The following PPP1R14C variants were observed in gnomAD, a reference collection of about 807,000 sequenced individuals.
PPP1R14C encodes the protein protein phosphatase 1 regulatory inhibitor subunit 14C, also known as protein phosphatase 1 regulatory subunit 14C.
A neutral mutation model predicts 20.4 loss-of-function variants in PPP1R14C; 16 were observed. The observed-to-expected ratio is 0.78, with a 90% CI of 0.53 to 1.19. The LOEUF (loss-of-function observed/expected upper bound fraction) is 1.19, where lower values mean the gene tolerates loss of function less well. PPP1R14C is among the 50% of genes most tolerant of loss of function. PPP1R14C has a pLI of 0.00. For synonymous variants in PPP1R14C, 91 were observed against 91.0 expected, an observed-to-expected ratio of 1.00 and a Z score of 0.00; for missense variants, 211 against 220.1, an observed-to-expected ratio of 0.96 and a Z score of 0.26.
intron 2 of PPP1R14C, among the ~76,000 whole-genome samples, chr6:150,216,269 G>T (rs1335014957): frequency 6.6e-6 from 1 of 152,216 alleles, no homozygotes; most frequent in Non-Finnish European, 1.5e-5. Flanking sequence ...GCCAAGGCGG[G>T]TGGATCACCT....
At chr6:150,173,519 GTCTGAGC>G (rs143950482) in intron 1 of PPP1R14C, among the ~76,000 whole-genome samples, 1 of 152,246 alleles carries the variant, frequency 6.6e-6, no homozygotes, top group East Asian at 1.9e-4. Context: ...CCTGAATGAA[GTCTGAGC>G]TCACTACAGC....
chr6:150,202,718 C>G (rs1044366019), intron 1 of PPP1R14C, among the ~76,000 whole-genome samples: 1 of 152,216 alleles, frequency 6.6e-6, no homozygotes, highest in South Asian at 2.1e-4. Flanking sequence ...GTATGACTCA[C>G]ACCTGGACCT....
At chr6:150,211,524 T>C (rs1253918355) in intron 1 of PPP1R14C, among the ~76,000 whole-genome samples, 1 of 152,198 alleles carries the variant, frequency 6.6e-6, no homozygotes, top group Non-Finnish European at 1.5e-5. Flanking sequence ...ATGGGCATGT[T>C]CCCTCCTTTG....
At chr6:150,222,173 C>T (rs1185114654) in intron 3 of PPP1R14C, among the ~76,000 whole-genome samples, 2 of 152,038 alleles carry the variant, frequency 1.3e-5, no homozygotes, top group Admixed American at 1.3e-4. Flanking sequence ...TAGCAGATGC[C>T]GGGTGCTGAT....
chr6:150,247,513 T>G (rs557676451), intron 3 of PPP1R14C, among the ~76,000 whole-genome samples: 1 of 152,292 alleles, frequency 6.6e-6, no homozygotes, highest in Admixed American at 6.5e-5. Flanking sequence ...GGTCATGAAA[T>G]CCTTTTAGTG....
chr6:150,158,085 TTG>T (rs1777324973), intron 1 of PPP1R14C, among the ~76,000 whole-genome samples: 1 of 152,232 alleles, frequency 6.6e-6, no homozygotes, highest in Non-Finnish European at 1.5e-5. Context: ...GTCATCATAC[TTG>T]GCTAACTTTA....
intron 3 of PPP1R14C, among the ~76,000 whole-genome samples, chr6:150,247,639 C>T (rs1011018677): frequency 6.6e-6 from 1 of 151,994 alleles, no homozygotes; most frequent in Non-Finnish European, 1.5e-5. Flanking sequence ...TTGTAGGTAC[C>T]GGATTGTAAC....
intron 2 of PPP1R14C, 72 bp downstream of exon 2, chr6:150,214,899 G>A (rs1339894339): frequency 2.8e-6 from 3 of 1,071,524 alleles, no homozygotes; most frequent in Admixed American, 2.0e-5. Context: ...TTCAGTGCTT[G>A]GCATCAACTG....
intron 1 of PPP1R14C, among the ~76,000 whole-genome samples, chr6:150,165,041 C>G (rs1044265747): frequency 6.6e-6 from 1 of 152,220 alleles, no homozygotes; most frequent in Non-Finnish European, 1.5e-5. Flanking sequence ...TGATGAACTT[C>G]CCAGCTTCCA....
intron 1 of PPP1R14C, among the ~76,000 whole-genome samples, chr6:150,153,611 T>C (rs1486006717): frequency 6.6e-6 from 1 of 152,248 alleles, no homozygotes; most frequent in African/African-American, 2.4e-5. Flanking sequence ...AGAACAAGAA[T>C]GAAAGCCTGG....
Position 150,185,578 on chromosome 6 carries a change from T to C in PPP1R14C, c.307-29166T>C, listed in dbSNP as rs915480108. Among the ~76,000 whole-genome samples, 1 of 152,122 alleles carries C rather than the reference T, an allele frequency of 6.6e-6. No homozygotes were observed. Among genetic ancestry groups the C allele is most frequent in the Non-Finnish European group, 1.5e-5 (1 of 68,014 alleles). On this transcript the variant is annotated intron_variant, in intron 1 of 3. Transcript: ENST00000361131. The surrounding 1 kb of genome is among the most constrained non-coding windows in gnomAD (Gnocchi z 4.1). ...GGCTGCTGGGTGCAGGGCTCAGGGC[T>C]CCACAGAGTGAAGGCTACCTCTGCA...
At chr6:150,144,227 C>A (rs886100858) in intron 1 of PPP1R14C, among the ~76,000 whole-genome samples, 3 of 152,162 alleles carry the variant, frequency 2.0e-5, no homozygotes, top group Non-Finnish European at 4.4e-5. Context: ...AGGGCGGGAG[C>A]CCTGCGGGGG....
intron 1 of PPP1R14C, among the ~76,000 whole-genome samples, chr6:150,145,391 A>G (rs952810351): frequency 1.3e-5 from 2 of 152,208 alleles, no homozygotes; most frequent in Non-Finnish European, 2.9e-5. Flanking sequence ...TGCTGCCTGC[A>G]TGTCATTAAC....
At chr6:150,148,176 T>C (rs1777200422) in intron 1 of PPP1R14C, among the ~76,000 whole-genome samples, 1 of 152,152 alleles carries the variant, frequency 6.6e-6, no homozygotes, top group Admixed American at 6.5e-5. Flanking sequence ...CCTAAACATG[T>C]GTAATAGAGT....
At chr6:150,159,009 A>T (rs1158808813) in intron 1 of PPP1R14C, among the ~76,000 whole-genome samples, 6 of 152,128 alleles carry the variant, frequency 3.9e-5, no homozygotes, top group Admixed American at 6.5e-5. Flanking sequence ...TGGTGTCTTC[A>T]TTTTTGGGGG....
intron 1 of PPP1R14C, among the ~76,000 whole-genome samples, chr6:150,166,417 A>G (rs1449604709): frequency 2.6e-5 from 4 of 152,110 alleles, no homozygotes; most frequent in African/African-American, 9.7e-5. Flanking sequence ...TCTGGGGAAC[A>G]AAAGAGCCCT....
chr6:150,218,207 TC>T (rs1206827549), intron 3 of PPP1R14C, among the ~76,000 whole-genome samples: 1 of 151,974 alleles, frequency 6.6e-6, no homozygotes, highest in Non-Finnish European at 1.5e-5. Flanking sequence ...ATCGAGGCCA[TC>T]CTGGCTAACA....
intron 1 of PPP1R14C, among the ~76,000 whole-genome samples, chr6:150,172,237 A>G (rs1562260973): frequency 6.6e-6 from 1 of 152,192 alleles, no homozygotes; most frequent in East Asian, 1.9e-4. Flanking sequence ...TAATCTCTCT[A>G]TTCATTATAT....
chr6:150,161,180 T>G (rs1007947500), intron 1 of PPP1R14C, among the ~76,000 whole-genome samples: 4 of 151,630 alleles, frequency 2.6e-5, no homozygotes, highest in African/African-American at 7.3e-5. Flanking sequence ...CTCGGGAGGC[T>G]GAGACAGGAG....
Sources: gnomAD v4.1 joint callset for allele counts (sites outside exome capture counted in the v4.1 genomes callset) on GRCh38, gnomAD v4.1.1 for gene constraint, Gnocchi (gnomAD v3.1) non-coding constraint, MANE v1.5 for transcripts, NCBI Gene and HGNC (gene_info 2026-07-23, HGNC 2026-07-21) for gene names.